Variants in IP6K3 observed in about 807,000 individuals in gnomAD.
The protein encoded by IP6K3 is inositol hexakisphosphate kinase 3.
IP6K3 carries 20 observed loss-of-function variants against 28.8 expected under a neutral mutation model. The ratio of observed to expected loss-of-function variants is 0.70; its 90% CI spans 0.49 to 1.01. The LOEUF (loss-of-function observed/expected upper bound fraction) is 1.01, where lower values mean the gene tolerates loss of function less well. Ranked by LOEUF, IP6K3 falls within the 50% of genes least tolerant of loss-of-function variation. The pLI is 0.00. For synonymous variants in IP6K3, 213 were observed against 221.3 expected (o/e 0.96, Z 0.33); for missense variants, 480 against 537.1 (o/e 0.89, Z 1.05).
upstream of IP6K3, among the ~76,000 whole-genome samples, chr6:33,748,449 G>A (rs963252149): frequency 4.6e-5 from 7 of 151,880 alleles, no homozygotes; most frequent in Admixed American, 1.3e-4. Context: ...AGCAGGAGCC[G>A]CTCAGCAGAT....
chr6:33,749,558 CA>C (rs1766992649), upstream of IP6K3, among the ~76,000 whole-genome samples: 3 of 149,644 alleles, frequency 2.0e-5, no homozygotes, highest in Non-Finnish European at 3.0e-5. Context: ...GTCAGTGGGG[CA>C]GATGGCCCCA....
chr6:33,757,590 A>G, the IP6K3 span, among the ~76,000 whole-genome samples: 22 of 152,102 alleles, frequency 1.4e-4, no homozygotes, highest in Middle Eastern at 3.2e-3. Flanking sequence ...TCCATGCAGC[A>G]CCTGCTAGGT....
At chr6:33,741,051 C>T (rs1046121625) in intron 1 of IP6K3, among the ~76,000 whole-genome samples, 6 of 152,144 alleles carry the variant, frequency 3.9e-5, no homozygotes, top group African/African-American at 1.4e-4. Context: ...TTTGCTTTTG[C>T]CAGCATCACG....
chr6:33,755,393 G>A, the IP6K3 span, among the ~76,000 whole-genome samples: 2 of 152,360 alleles, frequency 1.3e-5, no homozygotes, highest in South Asian at 2.1e-4. Context: ...TGTCCCCAAG[G>A]CAGTGCCGGG....
Position 33,744,111 on chromosome 6 carries a change from T to C in IP6K3, c.-180+2647A>G, listed in dbSNP as rs1418166664. Among the ~76,000 whole-genome samples the C allele has an allele frequency of 6.6e-6, 1 of 152,204 alleles. No individual in the cohort carries two copies. Among genetic ancestry groups the C allele is most frequent in the Non-Finnish European group, 1.5e-5 (1 of 68,038 alleles). On this transcript the variant is annotated intron_variant, in intron 1 of 5. Transcript: ENST00000293756. The surrounding 1 kb of genome is among the most constrained non-coding windows in gnomAD (Gnocchi z 4.4). ...CAGAGGCTGCGAGGGCTTCTCCCTC[T>C]TGGCCCCCTAATAGATCCTGACCCC...
chr6:33,736,483 C>T (rs962867046), intron 1 of IP6K3, among the ~76,000 whole-genome samples: 1 of 152,118 alleles, frequency 6.6e-6, no homozygotes, highest in Non-Finnish European at 1.5e-5. Context: ...CGGCTCACTG[C>T]AACTTTTGCC....
chr6:33,723,201 G>A lies in IP6K3; in HGVS notation c.766-14C>T. On this transcript the variant is annotated splice_polypyrimidine_tract_variant and intron_variant, in intron 5 of 5. Transcript: ENST00000293756. ...TGTTTGATAAACCTTACATTAAAAAGAATAAAGAAAATGTGAAGATTGGAA... is the reference window on the plus strand; with the variant it reads ...TGTTTGATAAACCTTACATTAAAAAAAATAAAGAAAATGTGAAGATTGGAA... The A allele has an allele frequency of 6.6e-7, 1 of 1,505,236 alleles. No individual in the cohort carries two copies. The highest frequency in any genetic ancestry group is 9.0e-7 in the Non-Finnish European group (1 of 1,115,042). The allele number at this position is 1,505,236 out of a possible 1,614,324, so 93.2% of individuals were successfully genotyped here.
chr6:33,749,961 C>T (rs962691001), upstream of IP6K3, among the ~76,000 whole-genome samples: 4 of 152,076 alleles, frequency 2.6e-5, no homozygotes, highest in Admixed American at 6.6e-5. Flanking sequence ...GAGAAAACCC[C>T]TTGGGCTCAT....
the IP6K3 span, among the ~76,000 whole-genome samples, chr6:33,754,470 G>T: frequency 6.6e-6 from 1 of 152,160 alleles, no homozygotes; most frequent in African/African-American, 2.4e-5. Flanking sequence ...GAGCAAATGC[G>T]GGCGATCATT....
chr6:33,742,264 T>C lies in IP6K3; in HGVS notation c.-180+4494A>G, dbSNP rs1374016052. Among the ~76,000 whole-genome samples the C allele has an allele frequency of 6.6e-6, 1 of 152,126 alleles. No homozygotes were observed. The highest frequency in any genetic ancestry group is 1.5e-5 in the Non-Finnish European group (1 of 68,016). ...CCCATTCTGACCACGTGCAGTCTGCTTGGACGGGGAGTGGCTGCTGAGTTG... is the reference window on the plus strand; with the variant it reads ...CCCATTCTGACCACGTGCAGTCTGCCTGGACGGGGAGTGGCTGCTGAGTTG... On this transcript the variant is annotated intron_variant, in intron 1 of 5. Transcript: ENST00000293756. This position sits in a 1 kb window ranked among gnomAD's most constrained non-coding sequence, Gnocchi z 4.5.
rs1389451860 is a variant in IP6K3 at position 33,742,550 on chromosome 6, C to T, written c.-180+4208G>A. 3.9e-5 allele frequency among the ~76,000 whole-genome samples: 6 copies of T among 152,046 alleles called. No homozygotes were observed. Among genetic ancestry groups the T allele is most frequent in the Non-Finnish European group, 1.5e-5 (1 of 68,016 alleles). On this transcript the variant is annotated intron_variant, in intron 1 of 5. Transcript: ENST00000293756. The surrounding 1 kb of genome is among the most constrained non-coding windows in gnomAD (Gnocchi z 4.5). The stretch of plus-strand genomic sequence containing the variant: ...TGGGTGAGGGCTCCCACCCGGGGGG[C>T]CTGCCAAGACCTTACCCAAATCCTC...
intron 5 of IP6K3, among the ~76,000 whole-genome samples, chr6:33,723,459 C>G (rs187529671): frequency 2.5e-4 from 38 of 152,310 alleles, no homozygotes; most frequent in African/African-American, 7.5e-4. Context: ...ACGAGGAAAA[C>G]GTTTGGATCT....
chr6:33,722,764 C>T lies in IP6K3; in HGVS notation c.1189G>A (p.Glu397Lys). Residue 397 changes from glutamate to lysine, a missense_variant, in exon 6 of 6, where the codon GAA becomes AAA. Transcript: ENST00000293756. ...TCCTGCAGGATCCTGATGAGGTTTT[C>T]CAGGCCAAAAATATAGCCAGGGTCT... is the stretch of plus-strand genomic sequence containing the variant. Reference protein sequence around the residue: ...GPDPGYIFGLENLIRILQDIQ... With the variant: ...GPDPGYIFGLKNLIRILQDIQ... 6.2e-7 allele frequency: 1 copy of T among 1,613,514 alleles called. No individual in the cohort carries two copies. Among genetic ancestry groups the T allele is most frequent in the South Asian group, 1.1e-5 (1 of 90,978 alleles).
chr6:33,735,605 T>C lies in IP6K3; in HGVS notation c.-129A>G. ...CAACTTTCTCCTTCTTGGCCTTTATTGCTGTCATAGCGCAGTTGTCCTCCT... is the reference window on the plus strand; with the variant it reads ...CAACTTTCTCCTTCTTGGCCTTTATCGCTGTCATAGCGCAGTTGTCCTCCT... On this transcript the variant is annotated 5_prime_UTR_variant, in exon 2 of 6. Transcript: ENST00000293756. The C allele has an allele frequency of 6.7e-7, 1 of 1,485,854 alleles. No individual in the cohort carries two copies. Among genetic ancestry groups the C allele is most frequent in the Non-Finnish European group, 8.9e-7 (1 of 1,124,962 alleles). 92.0% of individuals were successfully genotyped at this position (1,485,854 alleles called of 1,614,324 possible). A position where few individuals can be genotyped will look rare whatever the true frequency, so the allele number is the denominator to read the frequency against.
Position 33,722,827 on chromosome 6 carries a change from T to G in IP6K3, c.1126A>C (p.Lys376Gln). The G allele has an allele frequency of 6.2e-7, 1 of 1,614,002 alleles. No homozygotes were observed. Among genetic ancestry groups the G allele is most frequent in the Non-Finnish European group, 8.5e-7 (1 of 1,179,962 alleles). Residue 376 changes from lysine to glutamine, a missense_variant, in exon 6 of 6, where the codon AAG becomes CAG. Transcript: ENST00000293756. Reference protein sequence around the residue: ...RMIDFAHTTYKGYWNEHTTYD... With the variant: ...RMIDFAHTTYQGYWNEHTTYD... ...GTGGTGTGCTCATTCCAGTAGCCCT[T>G]GTATGTGGTATGAGCAAAGTCAATC...
chr6:33,754,082 T>G, the IP6K3 span, among the ~76,000 whole-genome samples: 1 of 152,168 alleles, frequency 6.6e-6, no homozygotes, highest in Admixed American at 6.5e-5. Flanking sequence ...GTGCTGAGAT[T>G]ATAGGCGTGA....
upstream of IP6K3, among the ~76,000 whole-genome samples, chr6:33,748,728 G>A (rs890194219): frequency 2.0e-5 from 3 of 148,578 alleles, no homozygotes; most frequent in African/African-American, 7.5e-5. Flanking sequence ...AGCTGCCTTC[G>A]GGTGGCTGAG....
intron 1 of IP6K3, among the ~76,000 whole-genome samples, chr6:33,741,810 G>A (rs1471153729): frequency 6.6e-6 from 1 of 151,734 alleles, no homozygotes; most frequent in Non-Finnish European, 1.5e-5. Context: ...AATTAGCAGG[G>A]CGTGGTGACA....
At position 33,725,549 on chromosome 6, in the gene IP6K3, C is replaced by T; in HGVS notation, c.657G>A (p.Gly219=). ...THPCVLDLKM[G]TRQHGDDASE... Reference sequence around the variant, plus strand: ...ATGCATCATCGCCGTGCTGCCGGGTCCCCATCTTCAGATCCAGGACACAGG... The same window carrying T: ...ATGCATCATCGCCGTGCTGCCGGGTTCCCATCTTCAGATCCAGGACACAGG... Residue 219 remains glycine (G), a synonymous_variant, in exon 5 of 6, where the codon GGG becomes GGA. Transcript: ENST00000293756. The T allele has an allele frequency of 6.2e-7, 1 of 1,614,164 alleles. No homozygotes were observed. The highest frequency in any genetic ancestry group is 8.5e-7 in the Non-Finnish European group (1 of 1,180,024).
Sources: allele counts gnomAD v4.1 joint callset (sites outside exome capture counted in the v4.1 genomes callset), GRCh38; gene constraint gnomAD v4.1.1; non-coding constraint Gnocchi (gnomAD v3.1); transcripts MANE v1.5; gene names NCBI Gene and HGNC (gene_info 2026-07-23, HGNC 2026-07-21).